FHOD3: variants seen among roughly 807,000 people sequenced by gnomAD.
FHOD3 encodes FH1/FH2 domain-containing protein 3.
Under a neutral mutation model 173.0 loss-of-function variants are expected in FHOD3, and 90 were observed. The ratio of observed to expected loss-of-function variants is 0.52; its 90% CI spans 0.44 to 0.62. The LOEUF (loss-of-function observed/expected upper bound fraction) is 0.62, where lower values mean the gene tolerates loss of function less well. Ranked by LOEUF, FHOD3 falls within the 20% of genes least tolerant of loss-of-function variation. FHOD3 has a pLI of 0.00. For synonymous variants in FHOD3, 828 were observed against 823.0 expected (o/e 1.01, Z -0.10); for missense variants, 1,945 against 2,034.7 (o/e 0.96, Z 0.85).
At chr18:36,500,486 C>T (rs1224060059) in intron 3 of FHOD3, among the ~76,000 whole-genome samples, 1 of 152,134 alleles carries the variant, frequency 6.6e-6, no homozygotes, top group Non-Finnish European at 1.5e-5. Context: ...AGAATTGAAG[C>T]CCGAGGTGGT....
intron 1 of FHOD3, among the ~76,000 whole-genome samples, chr18:36,339,354 A>G (rs949981907): frequency 1.3e-5 from 2 of 152,152 alleles, no homozygotes; most frequent in Admixed American, 1.3e-4. Context: ...AGAACCCAAC[A>G]GGAAGTGTTG....
At chr18:36,689,961 A>G (rs2149474458) in intron 16 of FHOD3, among the ~76,000 whole-genome samples, 1 of 152,298 alleles carries the variant, frequency 6.6e-6, no homozygotes. Context: ...GAATTTCCAA[A>G]TAGAAGTGTG....
chr18:36,442,563 C>A (rs1329746454), intron 3 of FHOD3, among the ~76,000 whole-genome samples: 2 of 152,082 alleles, frequency 1.3e-5, no homozygotes, highest in African/African-American at 4.8e-5. Context: ...TTAGTGGAAT[C>A]ATTTTATTTT....
At chr18:36,776,136 C>G (rs1241132779) in intron 28 of FHOD3, among the ~76,000 whole-genome samples, 4 of 151,820 alleles carry the variant, frequency 2.6e-5, no homozygotes, top group African/African-American at 9.7e-5. Flanking sequence ...TCATACCCTG[C>G]CAGCACCTGT....
chr18:36,377,654 C>T (rs901256192), intron 3 of FHOD3, among the ~76,000 whole-genome samples: 4 of 152,168 alleles, frequency 2.6e-5, no homozygotes, highest in African/African-American at 4.8e-5. Flanking sequence ...CGTGTGTGCT[C>T]GGGCACCTGG....
At chr18:36,544,987 A>G (rs1105459) in intron 5 of FHOD3, among the ~76,000 whole-genome samples, 65,568 of 152,028 alleles carry the variant, frequency 0.43, 14,512 homozygotes, top group Non-Finnish European at 0.49. Flanking sequence ...AAACTAGGGT[A>G]ATACTGACTA....
chr18:36,705,863 T>G (rs2039845837), intron 17 of FHOD3, among the ~76,000 whole-genome samples: 1 of 152,106 alleles, frequency 6.6e-6, no homozygotes, highest in Non-Finnish European at 1.5e-5. Flanking sequence ...TCCCGTTTCC[T>G]CGGGACTTGG....
chr18:36,303,471 G>A (rs910041431), intron 1 of FHOD3, among the ~76,000 whole-genome samples: 51 of 152,114 alleles, frequency 3.4e-4, no homozygotes, highest in Non-Finnish European at 5.9e-5. Flanking sequence ...GTGTCTATGC[G>A]TTTTGTCCTC....
intron 20 of FHOD3, 66 bp downstream of exon 20, chr18:36,730,870 G>T (rs1273765452): frequency 2.0e-6 from 3 of 1,483,634 alleles, no homozygotes; most frequent in Non-Finnish European, 2.8e-6. Flanking sequence ...TATGCTGCAT[G>T]TCCACATTTC....
chr18:36,431,697 A>G (rs796128039), intron 3 of FHOD3, among the ~76,000 whole-genome samples: 2 of 152,346 alleles, frequency 1.3e-5, no homozygotes, highest in African/African-American at 4.8e-5. Context: ...CATATGGTTT[A>G]GAGATGGGTT....
intron 7 of FHOD3, among the ~76,000 whole-genome samples, chr18:36,597,489 C>T (rs1348345193): frequency 3.3e-5 from 5 of 152,174 alleles, no homozygotes; most frequent in African/African-American, 4.8e-5. Context: ...TGCAGTGTCA[C>T]GATCTCAGCT....
intron 3 of FHOD3, among the ~76,000 whole-genome samples, chr18:36,450,070 C>T (rs576130904): frequency 1.8e-4 from 27 of 152,180 alleles, no homozygotes; most frequent in South Asian, 1.7e-3. Context: ...TCCCTCACCC[C>T]GCTCCCACCC....
At chr18:36,452,355 AAAG>A (rs2051907860) in intron 3 of FHOD3, among the ~76,000 whole-genome samples, 1 of 152,210 alleles carries the variant, frequency 6.6e-6, no homozygotes, top group African/African-American at 2.4e-5. Flanking sequence ...TGAGTCAAGA[AAAG>A]AAGCCAAAAA....
chr18:36,388,145 G>A (rs2048117082), intron 3 of FHOD3, among the ~76,000 whole-genome samples: 1 of 152,026 alleles, frequency 6.6e-6, no homozygotes, highest in Non-Finnish European at 1.5e-5. Context: ...TTTCTCCAAG[G>A]TATTTGCTCA....
At chr18:36,342,152 G>A (rs765257369) in intron 1 of FHOD3, among the ~76,000 whole-genome samples, 8 of 152,094 alleles carry the variant, frequency 5.3e-5, no homozygotes, top group Non-Finnish European at 7.4e-5. Flanking sequence ...CTGGAATATA[G>A]GTCAGTAGAA....
chr18:36,510,887 C>G (rs954374517), intron 4 of FHOD3, among the ~76,000 whole-genome samples: 2 of 152,280 alleles, frequency 1.3e-5, no homozygotes, highest in South Asian at 2.1e-4. Context: ...CCCTTCCCCC[C>G]AGGTCAGCTC....
intron 3 of FHOD3, among the ~76,000 whole-genome samples, chr18:36,437,898 G>A (rs2050906667): frequency 1.3e-5 from 2 of 152,028 alleles, no homozygotes; most frequent in South Asian, 2.1e-4. Flanking sequence ...TCCTGACCTC[G>A]TGATCCATCT....
chr18:36,516,189 CTT>C (rs1055937035), intron 5 of FHOD3, among the ~76,000 whole-genome samples: 10 of 152,054 alleles, frequency 6.6e-5, no homozygotes, highest in Non-Finnish European at 1.2e-4. Flanking sequence ...TGAATTACCT[CTT>C]TATTTGTCCA....
intron 1 of FHOD3, among the ~76,000 whole-genome samples, chr18:36,319,749 T>C (rs1420348623): frequency 6.6e-6 from 1 of 152,150 alleles, no homozygotes; most frequent in Non-Finnish European, 1.5e-5. Flanking sequence ...AAAACACTCC[T>C]CAGCAAATGT....
Sources: allele counts gnomAD v4.1 joint callset (sites outside exome capture counted in the v4.1 genomes callset), GRCh38; gene constraint gnomAD v4.1.1; transcripts MANE v1.5; gene names NCBI Gene and HGNC (gene_info 2026-07-23, HGNC 2026-07-21).